GRM7: variants seen among roughly 807,000 people sequenced by gnomAD.
GRM7 encodes the protein metabotropic glutamate receptor 7.
Under a neutral mutation model 84.5 loss-of-function variants are expected in GRM7, and 35 were observed. That is an observed-to-expected ratio of 0.41 (90% confidence interval 0.32 to 0.55). The LOEUF is 0.55. Ranked by LOEUF, GRM7 falls within the 20% of genes least tolerant of loss-of-function variation. GRM7 has a pLI of 0.19. For missense variants in GRM7, 1,003 were observed against 1,194.6 expected (o/e 0.84, Z 2.36); for synonymous variants, 487 against 455.1 (o/e 1.07, Z -0.89).
chr3:6,875,705 T>C (rs993176834), intron 1 of GRM7, among the ~76,000 whole-genome samples: 1 of 152,200 alleles, frequency 6.6e-6, no homozygotes. Flanking sequence ...ATTGATTATG[T>C]CGTTGACTTA....
intron 7 of GRM7, among the ~76,000 whole-genome samples, chr3:7,525,405 G>C (rs188054243): frequency 6.6e-6 from 1 of 152,064 alleles, no homozygotes; most frequent in Admixed American, 6.6e-5. Flanking sequence ...TTTTTGGGGG[G>C]ATGGGGTCTC....
intron 2 of GRM7, among the ~76,000 whole-genome samples, chr3:7,204,410 AC>A (rs1263609646): frequency 6.6e-6 from 1 of 152,220 alleles, no homozygotes; most frequent in African/African-American, 2.4e-5. Context: ...ATATTGGGTT[AC>A]CCATCAATTA....
chr3:7,279,107 C>G (rs1699170487), intron 2 of GRM7, among the ~76,000 whole-genome samples: 1 of 152,062 alleles, frequency 6.6e-6, no homozygotes, highest in African/African-American at 2.4e-5. Context: ...CGGTATATTA[C>G]AGATTTACTC....
At chr3:6,992,507 T>A (rs1449155302) in intron 1 of GRM7, among the ~76,000 whole-genome samples, 1 of 152,160 alleles carries the variant, frequency 6.6e-6, no homozygotes, top group African/African-American at 2.4e-5. Flanking sequence ...TTTAGATGAT[T>A]CAGGAAACGT....
chr3:7,028,554 T>A (rs977586738), intron 1 of GRM7, among the ~76,000 whole-genome samples: 2 of 152,118 alleles, frequency 1.3e-5, no homozygotes, highest in African/African-American at 2.4e-5. Context: ...ACTACCATTT[T>A]AAAAAAATAA....
At chr3:7,237,434 G>A (rs1697385458) in intron 2 of GRM7, among the ~76,000 whole-genome samples, 1 of 152,148 alleles carries the variant, frequency 6.6e-6, no homozygotes, top group South Asian at 2.1e-4. Flanking sequence ...TGGGTATCCA[G>A]AATTGGTTCC....
At chr3:7,583,847 C>A (rs764119499) in intron 8 of GRM7, among the ~76,000 whole-genome samples, 2 of 152,128 alleles carry the variant, frequency 1.3e-5, no homozygotes. Flanking sequence ...ACTTACAATG[C>A]GTGTACTGTG....
intron 1 of GRM7, among the ~76,000 whole-genome samples, chr3:7,023,185 G>T (rs1238119653): frequency 6.6e-6 from 1 of 152,124 alleles, no homozygotes; most frequent in East Asian, 1.9e-4. Context: ...TCCGGGCCTG[G>T]TGATGACTAA....
intron 4 of GRM7, among the ~76,000 whole-genome samples, chr3:7,351,554 T>C (rs1292844519): frequency 1.3e-5 from 2 of 151,814 alleles, no homozygotes; most frequent in Admixed American, 1.3e-4. Context: ...CCAGAGGAGA[T>C]TGACTTATGA....
chr3:7,497,295 C>G (rs1470052502), intron 7 of GRM7, among the ~76,000 whole-genome samples: 1 of 152,140 alleles, frequency 6.6e-6, no homozygotes, highest in Non-Finnish European at 1.5e-5. Flanking sequence ...CACATCACAG[C>G]CAAGCTGTCA....
chr3:7,494,986 T>C (rs1449170596), intron 7 of GRM7, among the ~76,000 whole-genome samples: 1 of 152,206 alleles, frequency 6.6e-6, no homozygotes, highest in African/African-American at 2.4e-5. Context: ...ATTTTCTTGG[T>C]TCTTAGTATG....
chr3:7,109,598 T>G (rs553998538), intron 1 of GRM7, among the ~76,000 whole-genome samples: 3 of 152,108 alleles, frequency 2.0e-5, no homozygotes, highest in Non-Finnish European at 4.4e-5. Context: ...ATTAGGAGAT[T>G]CTCTAGCATT....
chr3:7,681,943 G>A (rs1700384107), intron 9 of GRM7: 1 of 152,308 alleles, frequency 6.6e-6, no homozygotes, highest in South Asian at 2.1e-4. Context: ...GCTTTGCTTA[G>A]AAATAAGTTT....
In GRM7 at chr3:7,120,756, A is replaced by G. The variant is rs183082304; in HGVS notation, c.520-25696A>G. Among the ~76,000 whole-genome samples the G allele has an allele frequency of 2.6e-5, 4 of 152,216 alleles. No homozygotes were observed. The East Asian group carries it at 7.7e-4, about 29-fold the overall frequency. Reference sequence around the variant, plus strand: ...AAATGTTTGACCCGTAACAGTTTTAAAAATCTCATAACTTTCTGCCTCTCT... The same window carrying G: ...AAATGTTTGACCCGTAACAGTTTTAGAAATCTCATAACTTTCTGCCTCTCT... On this transcript the variant is annotated intron_variant, in intron 1 of 9. Coordinates refer to ENST00000357716, the MANE Select transcript of GRM7 (RefSeq NM_000844.4).
chr3:6,947,485 G>T (rs995033906), intron 1 of GRM7, among the ~76,000 whole-genome samples: 3 of 152,174 alleles, frequency 2.0e-5, no homozygotes, highest in African/African-American at 7.2e-5. Flanking sequence ...TTGCATCAAT[G>T]TTCGTCAAGG....
intron 1 of GRM7, among the ~76,000 whole-genome samples, chr3:7,021,583 A>G (rs1205475637): frequency 6.6e-6 from 1 of 152,228 alleles, no homozygotes; most frequent in Non-Finnish European, 1.5e-5. Context: ...TGATGAATGA[A>G]CTAAAGAGGT....
At chr3:6,888,350 T>C (rs1217672068) in intron 1 of GRM7, among the ~76,000 whole-genome samples, 1 of 152,132 alleles carries the variant, frequency 6.6e-6, no homozygotes, top group African/African-American at 2.4e-5. Flanking sequence ...TCTTCTAGGG[T>C]TTTTATGGTT....
intron 1 of GRM7, among the ~76,000 whole-genome samples, chr3:7,139,270 A>G (rs1453035217): frequency 5.3e-5 from 8 of 151,710 alleles, no homozygotes; most frequent in Admixed American, 1.3e-4. Flanking sequence ...CACCTCAAAG[A>G]TGCTGGAAAT....
chr3:7,549,868 G>A (rs1489345605), intron 7 of GRM7, among the ~76,000 whole-genome samples: 1 of 152,152 alleles, frequency 6.6e-6, no homozygotes, highest in Non-Finnish European at 1.5e-5. Context: ...AATTTCAAAG[G>A]AAATGTATTC....
Sources: gnomAD v4.1 joint callset for allele counts (sites outside exome capture counted in the v4.1 genomes callset) on GRCh38, gnomAD v4.1.1 for gene constraint, MANE v1.5 for transcripts, NCBI Gene and HGNC (gene_info 2026-07-23, HGNC 2026-07-21) for gene names.